Variants in GRM6 observed in about 807,000 individuals in gnomAD.
GRM6 encodes the protein metabotropic glutamate receptor 6.
Under a neutral mutation model 78.4 loss-of-function variants are expected in GRM6, and 73 were observed. The ratio of observed to expected loss-of-function variants is 0.93; its 90% CI spans 0.77 to 1.13. GRM6 has a LOEUF of 1.13. Ranked by LOEUF, GRM6 falls within the 50% of genes most tolerant of loss-of-function variation. The pLI, the probability that GRM6 is intolerant of heterozygous loss-of-function variation, is 0.00. For missense variants in GRM6, 1,251 were observed against 1,256.4 expected (o/e 1.00, Z 0.07); for synonymous variants, 580 against 555.0 (o/e 1.05, Z -0.63).
Position 178,984,764 on chromosome 5 carries a change from G to A in GRM6, c.2124+1366C>T, listed in dbSNP as rs374303544. On this transcript the variant is annotated intron_variant, in intron 9 of 10. Coordinates refer to ENST00000517717, the MANE Select transcript of GRM6 (RefSeq NM_000843.4). The stretch of plus-strand genomic sequence containing the variant: ...CTAGTCACGGAGAACTGCATGACCC[G>A]AGGCACGTGGCGTGTGTGGAACGAA... Among the ~76,000 whole-genome samples the A allele has an allele frequency of 7.4e-4, 113 of 152,258 alleles. 1 individual carries two copies. The highest frequency in any genetic ancestry group is 2.6e-3 in the African/African-American group (109 of 41,552).
Position 178,994,473 on chromosome 5 carries a change from T to G in GRM6, c.472A>C (p.Ile158Leu). ...VVGASASSVS[I>L]MVANVLRLFA... ...AGGCGCAGCACGTTGGCGACCATGATGGAGACGGAGCTGGCCGAGGCGCCC... is the reference window on the plus strand; with the variant it reads ...AGGCGCAGCACGTTGGCGACCATGAGGGAGACGGAGCTGGCCGAGGCGCCC... Residue 158 changes from isoleucine to leucine, a missense_variant, in exon 2 of 11, where the codon ATC (isoleucine) becomes CTC (leucine). Physicochemically the swap from Ile to Leu is conservative, Grantham distance 5. Coordinates refer to ENST00000517717, the MANE Select transcript of GRM6 (RefSeq NM_000843.4). 1 of 1,484,644 alleles carries G rather than the reference T, an allele frequency of 6.7e-7. No individual in the cohort carries two copies. Among genetic ancestry groups the G allele is most frequent in the East Asian group, 2.9e-5 (1 of 34,556 alleles). 92.0% of individuals were successfully genotyped at this position (1,484,644 alleles called of 1,614,324 possible).
intron 9 of GRM6, among the ~76,000 whole-genome samples, chr5:178,984,738 C>A (rs1308595174): frequency 6.6e-6 from 1 of 152,112 alleles, no homozygotes; most frequent in Non-Finnish European, 1.5e-5. Context: ...GGGAGCACCT[C>A]CTAGTCACGG....
intron 8 of GRM6, 25 bp downstream of exon 8, chr5:178,986,813 C>G: frequency 6.2e-7 from 1 of 1,613,156 alleles, no homozygotes; most frequent in South Asian, 1.1e-5. Flanking sequence ...CCCATGCCCA[C>G]CTGGGGCTCG....
intron 9 of GRM6, among the ~76,000 whole-genome samples, chr5:178,983,752 G>A (rs930510555): frequency 2.0e-5 from 3 of 152,208 alleles, no homozygotes; most frequent in African/African-American, 7.2e-5. Context: ...GTCTGTGCAG[G>A]CCCTCACAGG....
Position 178,991,452 on chromosome 5 carries a change from T to C in GRM6, c.829A>G (p.Ile277Val). Residue 277 changes from isoleucine (I) to valine (V), a missense_variant, in exon 4 of 11, where the codon ATC (isoleucine) becomes GTC (valine). By Grantham distance (29) the Ile-to-Val change is conservative. Coordinates refer to ENST00000517717, the MANE Select transcript of GRM6 (RefSeq NM_000843.4). This position sits in a 1 kb window ranked among gnomAD's most constrained non-coding sequence, Gnocchi z 5.0. Reference protein sequence around the residue: ...LMETPNARGIIIFANEDDIRR... With the variant: ...LMETPNARGIVIFANEDDIRR... ...ATGTCATCCTCATTGGCAAAGATGA[T>C]GATGCCCCGGGCGTTGGGCGTCTCC... The C allele has an allele frequency of 6.2e-7, 1 of 1,614,014 alleles. No homozygotes were observed. Among genetic ancestry groups the C allele is most frequent in the Non-Finnish European group, 8.5e-7 (1 of 1,179,924 alleles).
chr5:178,986,418 G>A lies in GRM6; in HGVS notation c.1836C>T (p.Asn612=), dbSNP rs113146213. The A allele has an allele frequency of 1.1e-5, 18 of 1,613,652 alleles. No individual in the cohort carries two copies. Among genetic ancestry groups the A allele is most frequent in the African/African-American group, 9.3e-5 (7 of 75,068 alleles). Residue 612 remains asparagine (N), a synonymous_variant, in exon 9 of 11, where the codon AAC becomes AAT. Coordinates refer to ENST00000517717, the MANE Select transcript of GRM6 (RefSeq NM_000843.4). ...TVVATFVRYN[N]TPIVRASGRE... ...GGCCCGAGGCCCGGACGATGGGCGT[G>A]TTGTTGTACCGCACGAAGGTGGCCA...
chr5:178,985,822 T>C (rs1046399905), intron 9 of GRM6: 9 of 527,084 alleles, frequency 1.7e-5, no homozygotes, highest in African/African-American at 5.8e-5. Flanking sequence ...ATTGTAGTGG[T>C]GCGATCTTGG....
intron 10 of GRM6, among the ~76,000 whole-genome samples, chr5:178,982,601 AAAAG>A (rs1760418164): frequency 6.9e-6 from 1 of 145,266 alleles, no homozygotes; most frequent in Non-Finnish European, 1.5e-5. Flanking sequence ...AAAAAAAAAA[AAAAG>A]CATATGAAGA....
intron 9 of GRM6, chr5:178,985,216 A>C: frequency 2.2e-6 from 1 of 454,470 alleles, no homozygotes; most frequent in Non-Finnish European, 4.4e-6. Flanking sequence ...ACCTGTTTCC[A>C]TATGTGAGCC....
At position 178,983,089 on chromosome 5, in the gene GRM6, C is replaced by G. The variant is rs79602188; in HGVS notation, c.2257G>C (p.Gly753Arg). ...AGCAGGAGGCTGTAGCCCAGGCAGC[C>G]GATGAGAGACAGATCCGACATGTCG... is the stretch of plus-strand genomic sequence containing the variant. ...KCDMSDLSLI[G>R]CLGYSLLLMV... Residue 753 changes from glycine to arginine, a missense_variant, in exon 10 of 11, where the codon GGC (glycine) becomes CGC (arginine). Transcript: ENST00000517717. 1.2e-6 allele frequency: 2 copies of G among 1,614,022 alleles called. No individual in the cohort carries two copies. The highest frequency in any genetic ancestry group is 1.6e-4 in the Middle Eastern group (1 of 6,062).
At chr5:178,989,844 G>A (rs1026020625) in intron 5 of GRM6, 1 of 298,166 alleles carries the variant, frequency 3.4e-6, no homozygotes, top group East Asian at 8.5e-5. Flanking sequence ...AGGGAATGGT[G>A]GAACAAAGGA....
chr5:178,986,410 A>G lies in GRM6; in HGVS notation c.1844T>C (p.Ile615Thr). 2.5e-6 allele frequency: 4 copies of G among 1,613,768 alleles called. No individual in the cohort carries two copies. Among genetic ancestry groups the G allele is most frequent in the Non-Finnish European group, 2.5e-6 (3 of 1,179,996 alleles). ...GAGCTCTCGGCCCGAGGCCCGGACG[A>G]TGGGCGTGTTGTTGTACCGCACGAA... is the stretch of plus-strand genomic sequence containing the variant. ...ATFVRYNNTPIVRASGRELSY... is the reference protein window; with the variant it reads ...ATFVRYNNTPTVRASGRELSY... Residue 615 changes from isoleucine to threonine, a missense_variant, in exon 9 of 11, where the codon ATC becomes ACC. Transcript: ENST00000517717.
In GRM6 at chr5:178,986,541, G is replaced by T; in HGVS notation, c.1713C>A (p.Cys571Ter). The T allele has an allele frequency of 6.2e-7, 1 of 1,607,580 alleles. No individual in the cohort carries two copies. The change falls in exon 9 of 11, where the codon TGC becomes TGA. Residue 571 changes from cysteine (C) to a stop codon, truncating the protein, a stop_gained. Transcript: ENST00000517717. LOFTEE classifies it high-confidence loss of function. ...DMRPTPNHTG[C>*]RPTPVVRLSW... ...TCAGGCGCACCACAGGTGTGGGGCG[G>T]CAGCCCGTGTGGTTGGGCGTGGGCC...
In GRM6 at chr5:178,979,193, C is replaced by A; in HGVS notation, c.*2464G>T. Reference sequence around the variant, plus strand: ...GGTCGAAACTTCAGTGAGCTATGATCGTGCCACTGCACTCCAGCCTAAGAA... The same window carrying A: ...GGTCGAAACTTCAGTGAGCTATGATAGTGCCACTGCACTCCAGCCTAAGAA... On this transcript the variant is annotated 3_prime_UTR_variant, in exon 11 of 11. Coordinates refer to ENST00000517717, the MANE Select transcript of GRM6 (RefSeq NM_000843.4). The A allele has an allele frequency of 6.6e-6, 1 of 152,276 alleles. No individual in the cohort carries two copies. Among genetic ancestry groups the A allele is most frequent in the Non-Finnish European group, 1.5e-5 (1 of 68,072 alleles). 9.4% of individuals were successfully genotyped at this position (152,276 alleles called of 1,614,324 possible).
At chr5:178,987,307 C>T (rs11952667) in intron 7 of GRM6, 11 of 518,516 alleles carry the variant, frequency 2.1e-5, no homozygotes, top group East Asian at 5.2e-5. Context: ...GTTCCACTCC[C>T]GGGTAGATAC....
At chr5:178,987,322 G>A (rs1189113111) in intron 7 of GRM6, 3 of 501,674 alleles carry the variant, frequency 6.0e-6, no homozygotes, top group South Asian at 4.6e-5. Flanking sequence ...AGATACTCGA[G>A]AGACTAGAAA....
chr5:178,990,260 T>G, intron 5 of GRM6: 2 of 378,454 alleles, frequency 5.3e-6, no homozygotes, highest in South Asian at 4.5e-5. Flanking sequence ...GATGGTATAT[T>G]CCGTATCCTT....
chr5:178,985,343 A>C (rs1421190874), intron 9 of GRM6: 1 of 439,184 alleles, frequency 2.3e-6, no homozygotes, highest in African/African-American at 2.0e-5. Context: ...CCAGCAGGGG[A>C]GATGGCGGCC....
Position 178,981,293 on chromosome 5 carries a change from G to A in GRM6, c.*364C>T. ...CACTGCCCAATCCCCAGGTTATGGG[G>A]GTTGACTGAGGGGAGGAAATCTCCC... On this transcript the variant is annotated 3_prime_UTR_variant, in exon 11 of 11. Transcript: ENST00000517717. The surrounding 1 kb of genome is among the most constrained non-coding windows in gnomAD (Gnocchi z 5.1). 3.7e-6 allele frequency: 1 copy of A among 270,924 alleles called. No individual in the cohort carries two copies. Among genetic ancestry groups the A allele is most frequent in the Non-Finnish European group, 7.2e-6 (1 of 139,666 alleles). 16.8% of individuals were successfully genotyped at this position (270,924 alleles called of 1,614,324 possible).
Sources: gnomAD v4.1 joint callset for allele counts (sites outside exome capture counted in the v4.1 genomes callset) on GRCh38, gnomAD v4.1.1 for gene constraint, Gnocchi (gnomAD v3.1) non-coding constraint, MANE v1.5 for transcripts, NCBI Gene and HGNC (gene_info 2026-07-23, HGNC 2026-07-21) for gene names.